The following UBE2QL1 variants were observed in gnomAD, a reference collection of about 807,000 sequenced individuals.
The protein encoded by UBE2QL1 is ubiquitin-conjugating enzyme E2Q-like protein 1.
A neutral mutation model predicts 12.6 loss-of-function variants in UBE2QL1; 5 were observed. The observed-to-expected ratio is 0.40, with a 90% CI of 0.21 to 0.83. The LOEUF (loss-of-function observed/expected upper bound fraction) is 0.83. Ranked by LOEUF, UBE2QL1 falls within the 40% of genes least tolerant of loss-of-function variation. UBE2QL1 has a pLI of 0.37. For synonymous variants in UBE2QL1, 96 were observed against 94.5 expected (o/e 1.02, Z -0.10); for missense variants, 99 against 222.6 (o/e 0.44, Z 3.53).
chr5:6,477,757 G>A (rs753082243), intron 1 of UBE2QL1, among the ~76,000 whole-genome samples: 2 of 152,204 alleles, frequency 1.3e-5, no homozygotes, highest in Non-Finnish European at 2.9e-5. Context: ...GCACGTGTAA[G>A]CCAAAGACCA....
At chr5:6,450,950 A>G (rs1480570354) in intron 1 of UBE2QL1, among the ~76,000 whole-genome samples, 1 of 152,216 alleles carries the variant, frequency 6.6e-6, no homozygotes, top group Admixed American at 6.5e-5. Flanking sequence ...AGGGGATCTC[A>G]GTTTTATTTT....
chr5:6,462,581 G>A (rs983244015), intron 1 of UBE2QL1, among the ~76,000 whole-genome samples: 1 of 152,170 alleles, frequency 6.6e-6, no homozygotes, highest in East Asian at 1.9e-4. Flanking sequence ...TCATGTGGAA[G>A]CATCATCAAG....
chr5:6,488,139 G>C (rs950373499), intron 1 of UBE2QL1, among the ~76,000 whole-genome samples: 1 of 152,250 alleles, frequency 6.6e-6, no homozygotes, highest in Non-Finnish European at 1.5e-5. Context: ...GCCTCTGACT[G>C]GCTCATAACG....
chr5:6,485,628 G>T lies in UBE2QL1; in HGVS notation c.355-5590G>T, dbSNP rs77223717. Among the ~76,000 whole-genome samples, 544 of 152,300 alleles carry T rather than the reference G, an allele frequency of 3.6e-3. 3 individuals are homozygous for T. Among genetic ancestry groups the T allele is most frequent in the African/African-American group, 0.013 (521 of 41,568 alleles). On this transcript the variant is annotated intron_variant, in intron 1 of 1. Coordinates refer to ENST00000399816, the MANE Select transcript of UBE2QL1 (RefSeq NM_001145161.3). ...TTAGACTGACAATTACTCCTTCAAA[G>T]ACTTGAAAAACAAGTAGCAGCTCTG...
chr5:6,474,724 T>C (rs1388091916), intron 1 of UBE2QL1, among the ~76,000 whole-genome samples: 1 of 152,154 alleles, frequency 6.6e-6, no homozygotes, highest in Non-Finnish European at 1.5e-5. Flanking sequence ...CCTCAGTAAA[T>C]AAGCTTGAGC....
rs1214481155 is a variant in UBE2QL1 at position 6,491,402 on chromosome 5, C to T, written c.*53C>T. 6.7e-7 allele frequency: 1 copy of T among 1,499,870 alleles called. No homozygotes were observed. The highest frequency in any genetic ancestry group is 2.4e-5 in the Admixed American group (1 of 42,324). The allele number at this position is 1,499,870 out of a possible 1,614,324, so 92.9% of individuals were successfully genotyped here. A position where few individuals can be genotyped will look rare whatever the true frequency, so the allele number is the denominator to read the frequency against. ...GCGCCTGTCCACACACACACCAGTA[C>T]CCTGACATCTCCTCAATGCTGTGCA... On this transcript the variant is annotated 3_prime_UTR_variant, in exon 2 of 2. Transcript: ENST00000399816.
rs995172041 is a variant in UBE2QL1, at chr5:6,491,399, G to C, written c.*50G>C. 1.7e-5 allele frequency: 26 copies of C among 1,504,950 alleles called. No homozygotes were observed. The highest frequency in any genetic ancestry group is 2.3e-5 in the Non-Finnish European group (26 of 1,127,142). The allele number at this position is 1,504,950 out of a possible 1,614,324, so 93.2% of individuals were successfully genotyped here. ...CGAGCGCCTGTCCACACACACACCAGTACCCTGACATCTCCTCAATGCTGT... is the reference window on the plus strand; with the variant it reads ...CGAGCGCCTGTCCACACACACACCACTACCCTGACATCTCCTCAATGCTGT... On this transcript the variant is annotated 3_prime_UTR_variant, in exon 2 of 2. Transcript: ENST00000399816.
In UBE2QL1 at chr5:6,476,034, A is replaced by T. The variant is rs2126358141; in HGVS notation, c.355-15184A>T. On this transcript the variant is annotated intron_variant, in intron 1 of 1. Transcript: ENST00000399816. This position sits in a 1 kb window ranked among gnomAD's most constrained non-coding sequence, Gnocchi z 4.9. Reference sequence around the variant, plus strand: ...TATTAGGATAACTTGTGATAAGTTCATCACACCCACTGAAATGGCTCAGAA... The same window carrying T: ...TATTAGGATAACTTGTGATAAGTTCTTCACACCCACTGAAATGGCTCAGAA... 6.6e-6 allele frequency among the ~76,000 whole-genome samples: 1 copy of T among 152,352 alleles called. No individual in the cohort carries two copies. Among genetic ancestry groups the T allele is most frequent in the Non-Finnish European group, 1.5e-5 (1 of 68,036 alleles).
intron 1 of UBE2QL1, among the ~76,000 whole-genome samples, chr5:6,487,594 G>A (rs1027515047): frequency 7.5e-6 from 1 of 134,050 alleles, no homozygotes; most frequent in South Asian, 2.1e-4. Flanking sequence ...TTATTCAAAG[G>A]AAATATCTCA....
At chr5:6,471,905 T>G (rs1739920122) in intron 1 of UBE2QL1, among the ~76,000 whole-genome samples, 1 of 152,244 alleles carries the variant, frequency 6.6e-6, no homozygotes, top group South Asian at 2.1e-4. Flanking sequence ...CACATTTGTA[T>G]TGTGACTTTC....
At chr5:6,451,305 A>G (rs780797566) in intron 1 of UBE2QL1, among the ~76,000 whole-genome samples, 6 of 152,184 alleles carry the variant, frequency 3.9e-5, no homozygotes, top group Admixed American at 6.5e-5. Context: ...CTATTTCTAC[A>G]TTAATGCTGT....
chr5:6,459,047 CCT>C (rs1158502019), intron 1 of UBE2QL1, among the ~76,000 whole-genome samples: 4 of 152,014 alleles, frequency 2.6e-5, no homozygotes, highest in African/African-American at 9.7e-5. Context: ...GGGTTAGGAT[CCT>C]CCAGGGGAAG....
At chr5:6,484,467 C>T (rs537330141) in intron 1 of UBE2QL1, among the ~76,000 whole-genome samples, 92 of 152,288 alleles carry the variant, frequency 6.0e-4, no homozygotes, top group African/African-American at 2.0e-3. Context: ...GTCCTTGATT[C>T]GAACCCAGCT....
At chr5:6,449,952 G>T (rs1244620628) in intron 1 of UBE2QL1, among the ~76,000 whole-genome samples, 1 of 147,668 alleles carries the variant, frequency 6.8e-6, no homozygotes, top group East Asian at 2.0e-4. Flanking sequence ...GGGAGGGACA[G>T]CTGCCTGCTT....
chr5:6,467,451 C>T (rs190561207), intron 1 of UBE2QL1, among the ~76,000 whole-genome samples: 161 of 152,228 alleles, frequency 1.1e-3, no homozygotes, highest in African/African-American at 3.4e-3. Flanking sequence ...GTCTCCTCTA[C>T]GTGTGTCTGA....
intron 1 of UBE2QL1, among the ~76,000 whole-genome samples, chr5:6,456,109 C>T (rs1201676283): frequency 6.6e-6 from 1 of 152,210 alleles, no homozygotes; most frequent in African/African-American, 2.4e-5. Flanking sequence ...ACTTCCTAGG[C>T]ATCATTGGGG....
chr5:6,462,772 A>C (rs1478253339), intron 1 of UBE2QL1, among the ~76,000 whole-genome samples: 2 of 152,212 alleles, frequency 1.3e-5, no homozygotes, highest in South Asian at 4.1e-4. Flanking sequence ...ACTTCCATAC[A>C]TCACCATTAG....
intron 1 of UBE2QL1, among the ~76,000 whole-genome samples, chr5:6,468,819 G>A (rs375787482): frequency 2.8e-4 from 42 of 152,246 alleles, no homozygotes; most frequent in African/African-American, 1.0e-3. Flanking sequence ...TTGTTTGGGG[G>A]ATACACCAGA....
In UBE2QL1 at chr5:6,491,432, C is replaced by T. The variant is rs758224455; in HGVS notation, c.*83C>T. On this transcript the variant is annotated 3_prime_UTR_variant, in exon 2 of 2. Transcript: ENST00000399816. ...ACATCTCCTCAATGCTGTGCATCCT[C>T]CACCCGTTTTTACTCCAGCCAGAAC... The T allele has an allele frequency of 8.0e-5, 115 of 1,434,892 alleles. No homozygotes were observed. Among genetic ancestry groups the T allele is most frequent in the Non-Finnish European group, 1.0e-4 (111 of 1,092,164 alleles). 88.9% of individuals were successfully genotyped at this position (1,434,892 alleles called of 1,614,324 possible).
Sources: gnomAD v4.1 joint callset for allele counts (sites outside exome capture counted in the v4.1 genomes callset) on GRCh38, gnomAD v4.1.1 for gene constraint, Gnocchi (gnomAD v3.1) non-coding constraint, MANE v1.5 for transcripts, NCBI Gene and HGNC (gene_info 2026-07-23, HGNC 2026-07-21) for gene names.